Variants in MCPH1 observed in about 807,000 individuals in gnomAD.
MCPH1 encodes the protein microcephalin 1.
In MCPH1, 104 loss-of-function variants were observed where a neutral mutation model predicts 84.5. That is an observed-to-expected ratio of 1.23 (90% CI 1.05 to 1.45). MCPH1 has a LOEUF of 1.45. Ranked by LOEUF, MCPH1 falls within the 40% of genes most tolerant of loss-of-function variation. MCPH1 has a pLI of 0.00. For synonymous variants in MCPH1, 514 were observed against 366.8 expected (o/e 1.40, Z -4.58); for missense variants, 1,498 against 1,005.7 (o/e 1.49, Z -6.62).
chr8:6,487,279 A>C (rs1190311153), intron 11 of MCPH1, among the ~76,000 whole-genome samples: 1 of 152,252 alleles, frequency 6.6e-6, no homozygotes, highest in South Asian at 2.1e-4. Flanking sequence ...TCTTGAGATA[A>C]TGTGATCCAC....
intron 12 of MCPH1, among the ~76,000 whole-genome samples, chr8:6,600,492 A>C (rs375333505): frequency 2.9e-3 from 440 of 152,274 alleles, no homozygotes; most frequent in African/African-American, 0.01. Flanking sequence ...GGCACTGGCC[A>C]CCCTTGGCGG....
chr8:6,528,544 A>T (rs187099794), intron 12 of MCPH1, among the ~76,000 whole-genome samples: 1 of 152,182 alleles, frequency 6.6e-6, no homozygotes, highest in African/African-American at 2.4e-5. Flanking sequence ...GTTTGAACCA[A>T]TCGAAGCCGT....
chr8:6,561,793 T>C (rs1013934807), intron 12 of MCPH1, among the ~76,000 whole-genome samples: 1 of 152,184 alleles, frequency 6.6e-6, no homozygotes, highest in Non-Finnish European at 1.5e-5. Flanking sequence ...AAAAAAATTA[T>C]TTATGAAAGA....
intron 5 of MCPH1, among the ~76,000 whole-genome samples, chr8:6,438,113 A>G (rs966686971): frequency 3.3e-5 from 5 of 152,186 alleles, no homozygotes; most frequent in African/African-American, 7.2e-5. Context: ...ACACTCTCCT[A>G]TAATTCTTTA....
intron 8 of MCPH1, among the ~76,000 whole-genome samples, chr8:6,454,785 G>C (rs1805500390): frequency 1.3e-5 from 2 of 152,112 alleles, no homozygotes; most frequent in Non-Finnish European, 2.9e-5. Context: ...CTCTAATATG[G>C]AACTGCCTAC....
chr8:6,471,458 C>A (rs1451871908), intron 9 of MCPH1, among the ~76,000 whole-genome samples: 1 of 152,100 alleles, frequency 6.6e-6, no homozygotes, highest in East Asian at 1.9e-4. Context: ...AATAAGATAC[C>A]ATTTCCAGAT....
At chr8:6,550,487 G>A (rs1170126449) in intron 12 of MCPH1, among the ~76,000 whole-genome samples, 1 of 152,160 alleles carries the variant, frequency 6.6e-6, no homozygotes, top group Admixed American at 6.5e-5. Context: ...GGGGTGAAGC[G>A]GAAACAAGGG....
chr8:6,415,830 G>C (rs570773451), intron 3 of MCPH1, among the ~76,000 whole-genome samples: 1 of 152,214 alleles, frequency 6.6e-6, no homozygotes, highest in South Asian at 2.1e-4. Flanking sequence ...TATGATCAGT[G>C]TGTCAATTTA....
chr8:6,583,998 ACTCCC>A (rs1827784112), intron 12 of MCPH1, among the ~76,000 whole-genome samples: 1 of 149,640 alleles, frequency 6.7e-6, no homozygotes, highest in Admixed American at 6.7e-5. Context: ...GTGCTTCGAA[ACTCCC>A]ACCAGTCTGA....
intron 12 of MCPH1, among the ~76,000 whole-genome samples, chr8:6,557,090 G>A (rs951818277): frequency 5.9e-5 from 9 of 152,150 alleles, no homozygotes; most frequent in Admixed American, 2.6e-4. Context: ...GAGAAATAAC[G>A]CACTTCTGCC....
chr8:6,505,972 TTCTTTGTATATATAAAAACATATAC>T (rs1813627889), intron 12 of MCPH1, among the ~76,000 whole-genome samples: 4 of 1,528 alleles, frequency 2.6e-3, no homozygotes. Context: ...AACATACATA[TTCTTTGTATATATAAAAACATATAC>T]ATATTCTTTA....
At chr8:6,502,059 C>G (rs969023166) in intron 12 of MCPH1, 31 of 151,162 alleles carry the variant, frequency 2.1e-4, no homozygotes, top group African/African-American at 7.5e-4. Context: ...GAAGGCTTTT[C>G]TCAACCAGAA....
rs764285022 is a variant in MCPH1, at chr8:6,439,084, C to G, written c.568C>G (p.Leu190Val). The change falls in exon 6 of 14, where the codon CTT becomes GTT. Residue 190 changes from leucine to valine, a missense_variant. Leu to Val is a conservative substitution (Grantham distance 32, BLOSUM62 1). Coordinates refer to ENST00000344683, the MANE Select transcript of MCPH1 (RefSeq NM_024596.5). ...LQEMKEKREN[L>V]SPTSSQMIQQ... ...AGAGATGAAGGAGAAAAGGGAAAAT[C>G]TTTCCCCCACCTGTAAGTAATTAGT... is the stretch of plus-strand genomic sequence containing the variant. 11 of 1,613,096 alleles carry G rather than the reference C, an allele frequency of 6.8e-6. No homozygotes were observed. In the East Asian group the frequency reaches 1.6e-4, roughly 23 times the overall value.
At chr8:6,448,451 C>T (rs1804691684) in intron 8 of MCPH1, among the ~76,000 whole-genome samples, 1 of 152,154 alleles carries the variant, frequency 6.6e-6, no homozygotes, top group African/African-American at 2.4e-5. Context: ...AGGCGGGCAG[C>T]TGTTTTGTTT....
intron 12 of MCPH1, among the ~76,000 whole-genome samples, chr8:6,510,401 C>T (rs1189755864): frequency 4.6e-5 from 7 of 152,176 alleles, no homozygotes; most frequent in Admixed American, 1.3e-4. Context: ...TGATGCCCTT[C>T]TTTGTAAAAC....
At chr8:6,465,057 G>A (rs151052364) in intron 9 of MCPH1, among the ~76,000 whole-genome samples, 1 of 152,028 alleles carries the variant, frequency 6.6e-6, no homozygotes, top group Non-Finnish European at 1.5e-5. Context: ...GCAAAGGAGA[G>A]ATGTGGAGGC....
intron 3 of MCPH1, among the ~76,000 whole-genome samples, chr8:6,419,042 G>A (rs747699708): frequency 4.6e-5 from 7 of 151,904 alleles, no homozygotes; most frequent in Non-Finnish European, 8.8e-5. Flanking sequence ...TTTCTTCTGG[G>A]ACTCCAATTA....
At chr8:6,469,669 T>C (rs1807456999) in intron 9 of MCPH1, among the ~76,000 whole-genome samples, 1 of 152,240 alleles carries the variant, frequency 6.6e-6, no homozygotes. Context: ...AAAGAACTGA[T>C]AGCTAAACCC....
At chr8:6,509,306 G>T (rs980486117) in intron 12 of MCPH1, among the ~76,000 whole-genome samples, 2 of 151,366 alleles carry the variant, frequency 1.3e-5, no homozygotes, top group African/African-American at 4.8e-5. Flanking sequence ...ACAACTATCA[G>T]AAGCGACTGT....
Sources: gnomAD v4.1 joint callset for allele counts (sites outside exome capture counted in the v4.1 genomes callset) on GRCh38, gnomAD v4.1.1 for gene constraint, MANE v1.5 for transcripts, NCBI Gene and HGNC (gene_info 2026-07-23, HGNC 2026-07-21) for gene names.